PELP1: variants seen among roughly 807,000 people sequenced by gnomAD.
PELP1 encodes proline, glutamate and leucine rich protein 1.
PELP1 carries 32 observed loss-of-function variants against 95.5 expected under a neutral mutation model. The observed-to-expected ratio is 0.34, with a 90% CI of 0.25 to 0.45. The LOEUF is 0.45. Among genes scored for constraint, PELP1 ranks in the 20% least tolerant of loss-of-function variants. The probability of loss-of-function intolerance (pLI) is 1.00; values close to 1 mark genes in which losing one functional copy is unlikely to be tolerated. For missense variants in PELP1, 1,358 were observed against 1,444.8 expected (o/e 0.94, Z 0.97); for synonymous variants, 668 against 600.1 (o/e 1.11, Z -1.65).
In PELP1 at chr17:4,673,232, T is replaced by C. The variant is rs781599743; in HGVS notation, c.1845+18A>G. The C allele has an allele frequency of 1.2e-5, 18 of 1,556,648 alleles. No individual in the cohort carries two copies. In the East Asian group the frequency reaches 1.9e-4, roughly 17 times the overall value. Reference sequence around the variant, plus strand: ...GAGACTCCAGGAACCAAAGAGGGGCTTGGCCCATCACAGTTACCTCAAGGC... The same window carrying C: ...GAGACTCCAGGAACCAAAGAGGGGCCTGGCCCATCACAGTTACCTCAAGGC... On this transcript the variant is annotated intron_variant, in intron 15 of 16. Transcript: ENST00000572293. The surrounding 1 kb of genome is among the most constrained non-coding windows in gnomAD (Gnocchi z 5.7).
Position 4,672,567 on chromosome 17 carries a change from T to G in PELP1, c.2424A>C (p.Pro808=), listed in dbSNP as rs780912048. Residue 808 remains proline, a synonymous_variant, in exon 16 of 17, where the codon CCA becomes CCC. Coordinates refer to ENST00000572293, the MANE Select transcript of PELP1 (RefSeq NM_014389.3). ...LPPPPPSGAT[P]PPIAPTGPPT... ...GTGGCCCAGTGGGGGCTATAGGGGGTGGTGTGGCACCTGAGGGTGGTGGGG... is the reference window on the plus strand; with the variant it reads ...GTGGCCCAGTGGGGGCTATAGGGGGGGGTGTGGCACCTGAGGGTGGTGGGG... The G allele has an allele frequency of 1.2e-6, 1 of 800,034 alleles. No homozygotes were observed. 49.6% of individuals were successfully genotyped at this position (800,034 alleles called of 1,614,324 possible).
At position 4,672,005 on chromosome 17, in the gene PELP1, G is replaced by A; in HGVS notation, c.2986C>T (p.Gln996Ter). ...LPPPESPPKV[Q>*]PEPEPEPGLL... ...CCGGGTTCAGGTTCGGGTTCTGGCT[G>A]CACCTTTGGGGGAGACTCAGGGGGA... The change falls in exon 16 of 17, where the codon CAG becomes TAG. Residue 996 changes from glutamine (Q) to a stop codon, truncating the protein, a stop_gained. Coordinates refer to ENST00000572293, the MANE Select transcript of PELP1 (RefSeq NM_014389.3). LOFTEE classifies it high-confidence loss of function. 6.4e-7 allele frequency: 1 copy of A among 1,563,544 alleles called. No homozygotes were observed. The highest frequency in any genetic ancestry group is 8.6e-7 in the Non-Finnish European group (1 of 1,158,126).
chr17:4,683,937 G>A (rs976237318), intron 3 of PELP1, among the ~76,000 whole-genome samples: 10 of 142,986 alleles, frequency 7.0e-5, no homozygotes, highest in East Asian at 6.2e-4. Flanking sequence ...AAGATTTTCC[G>A]ATGATATCAT....
At chr17:4,688,918 G>A (rs1913000041) in intron 3 of PELP1, among the ~76,000 whole-genome samples, 1 of 152,072 alleles carries the variant, frequency 6.6e-6, no homozygotes, top group African/African-American at 2.4e-5. Flanking sequence ...GAACAAATCT[G>A]GGCGCATCAC....
At position 4,704,049 on chromosome 17, in the gene PELP1, G is replaced by C; in HGVS notation, c.63C>G (p.Thr21=). The C allele has an allele frequency of 1.9e-6, 3 of 1,612,486 alleles. No individual in the cohort carries two copies. Among genetic ancestry groups the C allele is most frequent in the East Asian group, 4.5e-5 (2 of 44,872 alleles). The change falls in exon 1 of 17, where the codon ACC becomes ACG. Residue 21 remains threonine (T), a synonymous_variant. Transcript: ENST00000572293. ...CCGAGCTCACTGCCGAGAGACCCCCGGTCCCGCCAGGAACCCCAGCCGCGG... is the reference window on the plus strand; with the variant it reads ...CCGAGCTCACTGCCGAGAGACCCCCCGTCCCGCCAGGAACCCCAGCCGCGG... ...AGSAAGVPGG[T]GGLSAVSSGP... is the part of the protein sequence containing the mutation.
At chr17:4,702,994 G>C (rs1208311345) in intron 1 of PELP1, among the ~76,000 whole-genome samples, 1 of 152,192 alleles carries the variant, frequency 6.6e-6, no homozygotes, top group Non-Finnish European at 1.5e-5. Context: ...AAAATCAACA[G>C]GACTTGACAG....
At chr17:4,674,778 G>A in intron 12 of PELP1, 31 bp downstream of exon 12, 1 of 1,596,534 alleles carries the variant, frequency 6.3e-7, no homozygotes, top group Non-Finnish European at 8.5e-7. Context: ...GGCACAGGAT[G>A]AGTCCTAAGG....
intron 5 of PELP1, among the ~76,000 whole-genome samples, chr17:4,681,255 C>T (rs141469640): frequency 0.035 from 5,352 of 152,220 alleles, 216 homozygotes; most frequent in African/African-American, 0.095. Flanking sequence ...GAGGCCGAGG[C>T]GGGAGGATCA....
At chr17:4,679,411 C>T (rs1042912412) in intron 5 of PELP1, among the ~76,000 whole-genome samples, 2 of 152,152 alleles carry the variant, frequency 1.3e-5, no homozygotes, top group African/African-American at 2.4e-5. Context: ...CTCCTGACTA[C>T]TCACACTGAA....
intron 4 of PELP1, 91 bp from the exon 5 acceptor site, chr17:4,682,664 A>C (rs371800225): frequency 6.9e-7 from 1 of 1,444,528 alleles, no homozygotes; most frequent in Non-Finnish European, 9.6e-7. Flanking sequence ...GCCCTTCTCC[A>C]GAAATCACTT....
chr17:4,675,114 T>G lies in PELP1; in HGVS notation c.1239A>C (p.Arg413Ser). Residue 413 changes from arginine to serine, a missense_variant, in exon 11 of 17, where the codon AGA (arginine) becomes AGC (serine). By Grantham distance (110) the Arg-to-Ser change is moderately radical. This residue lies in a region of PELP1 where 538 missense variants were observed against 628.1 expected (regional missense o/e 0.86). Coordinates refer to ENST00000572293, the MANE Select transcript of PELP1 (RefSeq NM_014389.3). This position sits in a 1 kb window ranked among gnomAD's most constrained non-coding sequence, Gnocchi z 4.3. ...PQVLNSWSIG[R>S]DSLSPGQERP... ...TCTCCTGGCCTGGAGAGAGGGAATC[T>G]CTACCGATGCTCCAGGAATTGAGGA... The G allele has an allele frequency of 6.2e-7, 1 of 1,613,818 alleles. No homozygotes were observed. Among genetic ancestry groups the G allele is most frequent in the Non-Finnish European group, 8.5e-7 (1 of 1,179,852 alleles).
At chr17:4,674,992 G>T (rs192741468) in intron 11 of PELP1, 36 bp from the exon 12 acceptor site, 387 of 1,605,552 alleles carry the variant, frequency 2.4e-4, no homozygotes, top group East Asian at 1.9e-3. Flanking sequence ...TATGAATGGG[G>T]GGTCAACATG....
intron 1 of PELP1, among the ~76,000 whole-genome samples, chr17:4,695,819 T>C (rs781521232): frequency 2.0e-5 from 3 of 146,364 alleles, no homozygotes; most frequent in Non-Finnish European, 3.0e-5. Context: ...CATCTAAAAA[T>C]CTACTAAAAA....
In PELP1 at chr17:4,704,125, C is replaced by G. The variant is rs1444604546; in HGVS notation, c.-14G>C. On this transcript the variant is annotated 5_prime_UTR_variant, in exon 1 of 17. Transcript: ENST00000572293. ...GGCTGCCGCCATCTTCCCCCGGGTT[C>G]CAGTGGTGGCGTGGCGCGATGACGC... 1.2e-6 allele frequency: 2 copies of G among 1,601,100 alleles called. No homozygotes were observed. The highest frequency in any genetic ancestry group is 1.1e-5 in the South Asian group (1 of 90,722).
intron 2 of PELP1, 87 bp downstream of exon 2, chr17:4,691,288 TGGG>T (rs1161247646): frequency 3.2e-6 from 3 of 936,018 alleles, no homozygotes; most frequent in Non-Finnish European, 5.2e-6. Flanking sequence ...TCTTGAATCC[TGGG>T]GACGGTGACA....
chr17:4,683,060 C>T, intron 3 of PELP1, 108 bp from the exon 4 acceptor site: 1 of 1,360,100 alleles, frequency 7.4e-7, no homozygotes. Flanking sequence ...TAATGTCAGT[C>T]TGACCATCCA....
At chr17:4,674,157 C>T (rs1912351753) in intron 13 of PELP1, among the ~76,000 whole-genome samples, 1 of 152,206 alleles carries the variant, frequency 6.6e-6, no homozygotes, top group African/African-American at 2.4e-5. Context: ...GTGGATACAC[C>T]AAGGACGTGC....
At chr17:4,700,822 G>A (rs1913493440) in intron 1 of PELP1, among the ~76,000 whole-genome samples, 1 of 151,560 alleles carries the variant, frequency 6.6e-6, no homozygotes, top group Non-Finnish European at 1.5e-5. Flanking sequence ...CTACTCGGGA[G>A]GCTGAGGTGG....
rs746264340 is a variant in PELP1 at position 4,674,494 on chromosome 17, C to A, written c.1582+16G>T. On this transcript the variant is annotated intron_variant, in intron 13 of 16. Transcript: ENST00000572293. ...CCGTTTGAGCCCCAGTGGTCCAGGG[C>A]ACAGGCCTCACCCACCTCTGAGTGC... The A allele has an allele frequency of 1.9e-6, 3 of 1,609,310 alleles. No individual in the cohort carries two copies. The highest frequency in any genetic ancestry group is 1.1e-5 in the South Asian group (1 of 90,664).
Sources: gnomAD v4.1 joint callset for allele counts (sites outside exome capture counted in the v4.1 genomes callset) on GRCh38, gnomAD v4.1.1 for gene constraint, gnomAD v4.1.1 regional missense constraint, Gnocchi (gnomAD v3.1) non-coding constraint, MANE v1.5 for transcripts, NCBI Gene and HGNC (gene_info 2026-07-23, HGNC 2026-07-21) for gene names.